MMP10: variants seen among roughly 807,000 people sequenced by gnomAD.
MMP10 encodes the protein matrix metallopeptidase 10.
Under a neutral mutation model 49.1 loss-of-function variants are expected in MMP10, and 50 were observed. The observed-to-expected ratio is 1.02, with a 90% CI of 0.81 to 1.29. The LOEUF (loss-of-function observed/expected upper bound fraction) is 1.29, where lower values mean the gene tolerates loss of function less well. Among genes scored for constraint, MMP10 ranks in the 50% most tolerant of loss-of-function variants. The pLI is 0.00. For missense variants in MMP10, 613 were observed against 563.8 expected, an observed-to-expected ratio of 1.09 and a Z score of -0.88; for synonymous variants, 229 against 201.6, an observed-to-expected ratio of 1.14 and a Z score of -1.15.
rs746656204 is a variant in MMP10 at position 102,779,730 on chromosome 11, A to T, written c.121T>A (p.Tyr41Asn). Residue 41 changes from tyrosine to asparagine, a missense_variant, in exon 2 of 10, where the codon TAC becomes AAC. By Grantham distance (143) the Tyr-to-Asn change is moderately radical. Coordinates refer to ENST00000279441, the MANE Select transcript of MMP10 (RefSeq NM_002425.3). ...TTCACATCCTTTTCGAGGTTGTAGTACTTTTCTAGGTATTGCTAATGGAAA... is the reference window on the plus strand; with the variant it reads ...TTCACATCCTTTTCGAGGTTGTAGTTCTTTTCTAGGTATTGCTAATGGAAA... ...KDLAQQYLEK[Y>N]YNLEKDVKQF... 2.5e-6 allele frequency: 4 copies of T among 1,613,242 alleles called. No individual in the cohort carries two copies. The highest frequency in any genetic ancestry group is 3.4e-6 in the Non-Finnish European group (4 of 1,179,390).
At chr11:102,773,608 A>T (rs1297173513) in intron 7 of MMP10, among the ~76,000 whole-genome samples, 1 of 152,218 alleles carries the variant, frequency 6.6e-6, no homozygotes, top group Non-Finnish European at 1.5e-5. Context: ...TCTGAACCGA[A>T]TGACTTGTAT....
In MMP10 at chr11:102,772,807, T is replaced by A. The variant is rs536226793; in HGVS notation, c.1226+40A>T. On this transcript the variant is annotated intron_variant, in intron 8 of 9. Coordinates refer to ENST00000279441, the MANE Select transcript of MMP10 (RefSeq NM_002425.3). The surrounding 1 kb of genome is among the most constrained non-coding windows in gnomAD (Gnocchi z 4.4). ...CCTTAAAGAAAGAAAATAATTTTCT[T>A]AATCAGGCTTCATAGAAAGTCATTT... 6.3e-7 allele frequency: 1 copy of A among 1,578,782 alleles called. No individual in the cohort carries two copies. Among genetic ancestry groups the A allele is most frequent in the East Asian group, 2.3e-5 (1 of 44,278 alleles).
chr11:102,776,161 A>G, intron 6 of MMP10, 119 bp downstream of exon 6: 1 of 844,506 alleles, frequency 1.2e-6, no homozygotes, highest in Non-Finnish European at 1.8e-6. Flanking sequence ...TATATAACAA[A>G]CCTGCACATG....
At position 102,772,072 on chromosome 11, in the gene MMP10, G is replaced by A. The variant is rs763571024; in HGVS notation, c.1270C>T (p.Leu424=). The A allele has an allele frequency of 2.5e-6, 4 of 1,613,706 alleles. No individual in the cohort carries two copies. The highest frequency in any genetic ancestry group is 3.4e-6 in the Non-Finnish European group (4 of 1,179,752). Residue 424 remains leucine (L), a synonymous_variant, in exon 9 of 10, where the codon CTA becomes TTA. Transcript: ENST00000279441. The surrounding 1 kb of genome is among the most constrained non-coding windows in gnomAD (Gnocchi z 4.4). ...ACTCCTGGAAAGTCATCAGCTATTA[G>A]TCTAGGGAAGCCTTGCTCCATGGAC... The part of the protein sequence containing the change: ...SQSMEQGFPR[L]IADDFPGVEP...
chr11:102,775,433 A>C, intron 6 of MMP10, 112 bp from the exon 7 acceptor site: 1 of 784,052 alleles, frequency 1.3e-6, no homozygotes, highest in Non-Finnish European at 1.9e-6. Flanking sequence ...TCTGTATTAA[A>C]CCATCCTCCT....
At position 102,776,710 on chromosome 11, in the gene MMP10, T is replaced by C. The variant is rs1358620376; in HGVS notation, c.689A>G (p.Asn230Ser). Residue 230 changes from asparagine (N) to serine (S), a missense_variant, in exon 5 of 10, where the codon AAC (asparagine) becomes AGC (serine). Physicochemically the swap from Asn to Ser is conservative, Grantham distance 46. Coordinates refer to ENST00000279441, the MANE Select transcript of MMP10 (RefSeq NM_002425.3). Reference sequence around the variant, plus strand: ...GAGTGGGTACATCAAAGCTTCAGTGTTGGCTGAGTGAAAGAGCCCCAGGGA... The same window carrying C: ...GAGTGGGTACATCAAAGCTTCAGTGCTGGCTGAGTGAAAGAGCCCCAGGGA... ...GHSLGLFHSA[N>S]TEALMYPLYN... 1 of 1,614,036 alleles carries C rather than the reference T, an allele frequency of 6.2e-7. No individual in the cohort carries two copies. The highest frequency in any genetic ancestry group is 1.1e-5 in the South Asian group (1 of 91,082).
In MMP10 at chr11:102,776,338, C is replaced by A; in HGVS notation, c.874G>T (p.Ala292Ser). 6.2e-7 allele frequency: 1 copy of A among 1,613,884 alleles called. No homozygotes were observed. The highest frequency in any genetic ancestry group is 8.5e-7 in the Non-Finnish European group (1 of 1,179,906). ...GTGCTGATGGCATCGAAGGACAAAGCAGGATCACACTTGGCTGGCATCTCA... is the reference window on the plus strand; with the variant it reads ...GTGCTGATGGCATCGAAGGACAAAGAAGGATCACACTTGGCTGGCATCTCA... Reference protein sequence around the residue: ...GSEMPAKCDPALSFDAISTLR... With the variant: ...GSEMPAKCDPSLSFDAISTLR... The change falls in exon 6 of 10, where the codon GCT (alanine) becomes TCT (serine). Residue 292 changes from alanine (A) to serine (S), a missense_variant. By Grantham distance (99) the Ala-to-Ser change is moderately conservative. Transcript: ENST00000279441.
chr11:102,779,558 T>A lies in MMP10; in HGVS notation c.293A>T (p.His98Leu), dbSNP rs200687439. 3 of 1,614,118 alleles carry A rather than the reference T, an allele frequency of 1.9e-6. No individual in the cohort carries two copies. The highest frequency in any genetic ancestry group is 1.1e-5 in the South Asian group (1 of 91,080). The change falls in exon 2 of 10, where the codon CAC (histidine) becomes CTC (leucine). Residue 98 changes from histidine to leucine, a missense_variant. Transcript: ENST00000279441. ...KPRCGVPDVGHFSSFPGMPKW... is the reference protein window; with the variant it reads ...KPRCGVPDVGLFSSFPGMPKW... ...CGGCATGCCAGGAAAGGAGCTGAAGTGACCAACGTCAGGAACTCCACACCT... is the reference window on the plus strand; with the variant it reads ...CGGCATGCCAGGAAAGGAGCTGAAGAGACCAACGTCAGGAACTCCACACCT...
chr11:102,770,609 G>T lies in MMP10; in HGVS notation c.*184C>A. 1 of 512,238 alleles carries T rather than the reference G, an allele frequency of 2.0e-6. No individual in the cohort carries two copies. Among genetic ancestry groups the T allele is most frequent in the Non-Finnish European group, 3.4e-6 (1 of 292,196 alleles). 31.7% of individuals were successfully genotyped at this position (512,238 alleles called of 1,614,324 possible). A position where few individuals can be genotyped will look rare whatever the true frequency, so the allele number is the denominator to read the frequency against. On this transcript the variant is annotated 3_prime_UTR_variant, in exon 10 of 10. Coordinates refer to ENST00000279441, the MANE Select transcript of MMP10 (RefSeq NM_002425.3). ...TGAGTATTTCTTAATTCTGTTCAGTGCAATTCAAAAGCAAGTGAAGAATTC... is the reference window on the plus strand; with the variant it reads ...TGAGTATTTCTTAATTCTGTTCAGTTCAATTCAAAAGCAAGTGAAGAATTC...
chr11:102,774,839 G>A (rs1260884029), intron 7 of MMP10, among the ~76,000 whole-genome samples: 1 of 152,150 alleles, frequency 6.6e-6, no homozygotes, highest in Non-Finnish European at 1.5e-5. Context: ...TTCACCAGGA[G>A]CATCCTGGCT....
Position 102,779,575 on chromosome 11 carries a change from T to C in MMP10, c.276A>G (p.Gly92=), listed in dbSNP as rs1221328920. 1 of 1,614,102 alleles carries C rather than the reference T, an allele frequency of 6.2e-7. No homozygotes were observed. The highest frequency in any genetic ancestry group is 1.7e-5 in the Admixed American group (1 of 59,942). ...AGCTGAAGTGACCAACGTCAGGAACTCCACACCTGGGCTTGCGCATCACCT... is the reference window on the plus strand; with the variant it reads ...AGCTGAAGTGACCAACGTCAGGAACCCCACACCTGGGCTTGCGCATCACCT... The part of the protein sequence containing the change: ...TLEVMRKPRC[G]VPDVGHFSSF... Residue 92 remains glycine, a synonymous_variant, in exon 2 of 10, where the codon GGA becomes GGG. Transcript: ENST00000279441.
Position 102,772,988 on chromosome 11 carries a change from A to G in MMP10, c.1085T>C (p.Ile362Thr), listed in dbSNP as rs1318242803. The change falls in exon 8 of 10, where the codon ATC (isoleucine) becomes ACC (threonine). Residue 362 changes from isoleucine (I) to threonine (T), a missense_variant. By Grantham distance (89) the Ile-to-Thr change is moderately conservative. Coordinates refer to ENST00000279441, the MANE Select transcript of MMP10 (RefSeq NM_002425.3). The surrounding 1 kb of genome is among the most constrained non-coding windows in gnomAD (Gnocchi z 4.4). ...FIFKGNEFWA[I>T]RGNEVQAGYP... is the part of the protein sequence containing the mutation. ...ACCTGCTTGTACCTCATTTCCTCTG[A>G]TGGCCCAGAACTCATTTCCTATTGA... is the stretch of plus-strand genomic sequence containing the variant. The G allele has an allele frequency of 6.2e-7, 1 of 1,608,756 alleles. No homozygotes were observed. Among genetic ancestry groups the G allele is most frequent in the Non-Finnish European group, 8.5e-7 (1 of 1,178,282 alleles).
At position 102,780,566 on chromosome 11, in the gene MMP10, A is replaced by T. The variant is rs1172993625; in HGVS notation, c.26T>A (p.Leu9Gln). 3 of 1,613,782 alleles carry T rather than the reference A, an allele frequency of 1.9e-6. No individual in the cohort carries two copies. The highest frequency in any genetic ancestry group is 1.7e-6 in the Non-Finnish European group (2 of 1,179,924). ...GGCAGAGCAGACTGGCAGACACAAC[A>T]GCACAAGGAATGCAAGATGCATCAT... MMHLAFLV[L>Q]LCLPVCSAYP... The change falls in exon 1 of 10, where the codon CTG becomes CAG. Residue 9 changes from leucine (L) to glutamine (Q), a missense_variant. Transcript: ENST00000279441.
intron 7 of MMP10, 103 bp downstream of exon 7, chr11:102,775,085 C>A: frequency 1.2e-6 from 1 of 851,976 alleles, no homozygotes; most frequent in Non-Finnish European, 1.6e-6. Flanking sequence ...AGCACAAGGT[C>A]TTTCAGTAAT....
In MMP10 at chr11:102,778,850, T is replaced by C. The variant is rs567182365; in HGVS notation, c.497-101A>G. 4.7e-4 allele frequency: 657 copies of C among 1,386,300 alleles called. 2 individuals carry two copies. The highest frequency in any genetic ancestry group is 6.0e-4 in the Non-Finnish European group (602 of 1,003,530). The allele number at this position is 1,386,300 out of a possible 1,614,324, so 85.9% of individuals were successfully genotyped here. On this transcript the variant is annotated intron_variant, in intron 3 of 9. Coordinates refer to ENST00000279441, the MANE Select transcript of MMP10 (RefSeq NM_002425.3). ...ATTCTATAGTCTGAATGTTGGTGTC[T>C]GCTGCAAATTCATATGTTGAAACTC...
intron 3 of MMP10, 39 bp downstream of exon 3, chr11:102,779,174 G>A (rs766624450): frequency 1.2e-6 from 2 of 1,609,368 alleles, no homozygotes; most frequent in Admixed American, 1.7e-5. Flanking sequence ...AGTCTGAACA[G>A]ATGAATACAC....
At position 102,778,679 on chromosome 11, in the gene MMP10, C is replaced by T. The variant is rs770867997; in HGVS notation, c.567G>A (p.Gly189=). 11 of 1,613,904 alleles carry T rather than the reference C, an allele frequency of 6.8e-6. No homozygotes were observed. The highest frequency in any genetic ancestry group is 1.3e-5 in the African/African-American group (1 of 74,900). ...CATCAAAGTGAATATCTCCATAAAG[C>T]CCAGGTCCAGGTGGGTAGGCATGAG... ...SLAHAYPPGP[G]LYGDIHFDDD... The change falls in exon 4 of 10, where the codon GGG becomes GGA. Residue 189 remains glycine (G), a synonymous_variant. Coordinates refer to ENST00000279441, the MANE Select transcript of MMP10 (RefSeq NM_002425.3).
Position 102,772,875 on chromosome 11 carries a change from A to G in MMP10, c.1198T>C (p.Tyr400His), listed in dbSNP as rs1591702713. Residue 400 changes from tyrosine (Y) to histidine (H), a missense_variant, in exon 8 of 10, where the codon TAC (tyrosine) becomes CAC (histidine). Tyr to His is a moderately conservative substitution (Grantham distance 83, BLOSUM62 2). Coordinates refer to ENST00000279441, the MANE Select transcript of MMP10 (RefSeq NM_002425.3). The surrounding 1 kb of genome is among the most constrained non-coding windows in gnomAD (Gnocchi z 4.4). ...AVSDKEKKKT[Y>H]FFAADKYWRF... ...CAGTATTTGTCCGCTGCAAAGAAGTATGTTTTCTTCTTTTCCTTGTCAGAA... is the reference window on the plus strand; with the variant it reads ...CAGTATTTGTCCGCTGCAAAGAAGTGTGTTTTCTTCTTTTCCTTGTCAGAA... 1.2e-6 allele frequency: 2 copies of G among 1,613,358 alleles called. No individual in the cohort carries two copies. The highest frequency in any genetic ancestry group is 2.2e-5 in the East Asian group (1 of 44,848).
Position 102,776,661 on chromosome 11 carries a change from G to C in MMP10, c.738C>G (p.Ala246=). ...CATCATCTTGCGAAAGGCGGAACTG[G>C]GCGAGCTCTGTGAATGAGTTGTAGA... is the stretch of plus-strand genomic sequence containing the variant. ...YPLYNSFTEL[A]QFRLSQDDVN... Residue 246 remains alanine (A), a synonymous_variant, in exon 5 of 10, where the codon GCC becomes GCG. Transcript: ENST00000279441. The C allele has an allele frequency of 6.2e-7, 1 of 1,613,956 alleles. No homozygotes were observed. Among genetic ancestry groups the C allele is most frequent in the Admixed American group, 1.7e-5 (1 of 59,964 alleles).
Sources: allele counts gnomAD v4.1 joint callset (sites outside exome capture counted in the v4.1 genomes callset), GRCh38; gene constraint gnomAD v4.1.1; non-coding constraint Gnocchi (gnomAD v3.1); transcripts MANE v1.5; gene names NCBI Gene and HGNC (gene_info 2026-07-23, HGNC 2026-07-21).